The following SECISBP2L variants were observed in gnomAD, a reference collection of about 807,000 sequenced individuals.
SECISBP2L encodes the protein SECIS binding protein 2 like, also known as selenocysteine insertion sequence-binding protein 2-like.
A neutral mutation model predicts 114.7 loss-of-function variants in SECISBP2L; 43 were observed. The ratio of observed to expected loss-of-function variants is 0.38; its 90% confidence interval spans 0.29 to 0.48. The LOEUF is 0.48. Ranked by LOEUF, SECISBP2L falls within the 20% of genes least tolerant of loss-of-function variation. SECISBP2L has a pLI of 0.98. For missense variants in SECISBP2L, 1,136 were observed against 1,301.1 expected, an observed-to-expected ratio of 0.87 and a Z score of 1.95; for synonymous variants, 451 against 439.7, an observed-to-expected ratio of 1.03 and a Z score of -0.32.
intron 14 of SECISBP2L, 96 bp downstream of exon 14, chr15:49,009,120 C>T: frequency 7.6e-7 from 1 of 1,320,808 alleles, no homozygotes; most frequent in South Asian, 1.4e-5. Flanking sequence ...GGTCTTTTGT[C>T]TGCTTGACTC....
intron 3 of SECISBP2L, among the ~76,000 whole-genome samples, chr15:49,035,113 G>T (rs983729346): frequency 2.6e-5 from 4 of 152,082 alleles, no homozygotes; most frequent in African/African-American, 9.7e-5. Context: ...CTCTCTAAAG[G>T]AATGTGAAAA....
At chr15:49,028,758 T>G in intron 4 of SECISBP2L, 76 bp from the exon 5 acceptor site, 1 of 1,261,014 alleles carries the variant, frequency 7.9e-7, no homozygotes. Context: ...ATCATTAAGA[T>G]TGTAAGAAAA....
At chr15:49,007,627 A>C (rs1392441985) in intron 14 of SECISBP2L, among the ~76,000 whole-genome samples, 1 of 152,234 alleles carries the variant, frequency 6.6e-6, no homozygotes, top group East Asian at 1.9e-4. Context: ...ATTCCTAAGG[A>C]TATAAACCAA....
chr15:48,999,755 C>A, intron 16 of SECISBP2L, 78 bp downstream of exon 16: 3 of 1,475,624 alleles, frequency 2.0e-6, no homozygotes, highest in Non-Finnish European at 1.8e-6. Context: ...AAACATAACA[C>A]TGGCATATGT....
chr15:48,993,100 A>AGAGAGTGCGTGT (rs772299775), intron 17 of SECISBP2L, among the ~76,000 whole-genome samples, 174 bp from the exon 18 acceptor site: 1 of 139,130 alleles, frequency 7.2e-6, no homozygotes, highest in African/African-American at 2.8e-5. Context: ...ACAGAGAGAG[A>AGAGAGTGCGTGT]GTGTGTGTGT....
chr15:48,996,582 A>G lies in SECISBP2L; in HGVS notation c.2408T>C (p.Leu803Pro), dbSNP rs760194281. 1 of 1,610,756 alleles carries G rather than the reference A, an allele frequency of 6.2e-7. No individual in the cohort carries two copies. The highest frequency in any genetic ancestry group is 8.5e-7 in the Non-Finnish European group (1 of 1,178,856). Residue 803 changes from leucine (L) to proline (P), a missense_variant, in exon 17 of 18, where the codon CTG becomes CCG. This residue lies in a region of SECISBP2L where 684 missense variants were observed against 848.7 expected (regional missense o/e 0.81). Coordinates refer to ENST00000559471, the MANE Select transcript of SECISBP2L (RefSeq NM_001193489.2). Reference protein sequence around the residue: ...GIFNYFGAESLFNKLVELTEE... With the variant: ...GIFNYFGAESPFNKLVELTEE... ...AGTGAGTTCTACTAATTTATTAAAC[A>G]GGCTCTGAAAAGAAAGAGTATTTTG... is the stretch of plus-strand genomic sequence containing the variant.
Position 49,019,415 on chromosome 15 carries a change from T to TA in SECISBP2L, c.1170+2dup, listed in dbSNP as rs1902598455. 2 of 1,425,764 alleles carry TA rather than the reference T, an allele frequency of 1.4e-6. No individual in the cohort carries two copies. The highest frequency in any genetic ancestry group is 3.0e-5 in the African/African-American group (2 of 67,198). The allele number at this position is 1,425,764 out of a possible 1,614,324, so 88.3% of individuals were successfully genotyped here. On this transcript the variant is annotated splice_region_variant and intron_variant, in intron 8 of 17. Coordinates refer to ENST00000559471, the MANE Select transcript of SECISBP2L (RefSeq NM_001193489.2). ...GCTTACAAATAGAGTTTGAAAAAAA[T>TA]ACCTCAAAATATAAAGACTCAGAAT...
At chr15:49,036,590 T>C (rs892417777) in intron 2 of SECISBP2L, among the ~76,000 whole-genome samples, 1 of 152,238 alleles carries the variant, frequency 6.6e-6, no homozygotes, top group African/African-American at 2.4e-5. Context: ...TTTAGTTTCA[T>C]GAATCAGTTT....
chr15:49,006,128 G>A (rs895285940), intron 14 of SECISBP2L, among the ~76,000 whole-genome samples: 2 of 152,154 alleles, frequency 1.3e-5, no homozygotes, highest in African/African-American at 2.4e-5. Context: ...CTGTTAGACT[G>A]ATGGCCTTAC....
Position 49,028,646 on chromosome 15 carries a change from T to C in SECISBP2L, c.701A>G (p.Glu234Gly), listed in dbSNP as rs1902812513. The change falls in exon 5 of 18, where the codon GAG (glutamate) becomes GGG (glycine). Residue 234 changes from glutamate (E) to glycine (G), a missense_variant. Physicochemically the swap from Glu to Gly is moderately conservative, Grantham distance 98. Coordinates refer to ENST00000559471, the MANE Select transcript of SECISBP2L (RefSeq NM_001193489.2). Reference sequence around the variant, plus strand: ...CTTCCAGAGCATTGTTGCAGTGGTCTCTGAGAGAGACTTGTTAGCGATATC... The same window carrying C: ...CTTCCAGAGCATTGTTGCAGTGGTCCCTGAGAGAGACTTGTTAGCGATATC... ...PSDIANKSLSETTATMLWKSK... is the reference protein window; with the variant it reads ...PSDIANKSLSGTTATMLWKSK... 6.2e-7 allele frequency: 1 copy of C among 1,614,040 alleles called. No individual in the cohort carries two copies. The highest frequency in any genetic ancestry group is 2.2e-5 in the East Asian group (1 of 44,890).
Position 49,028,302 on chromosome 15 carries a change from A to G in SECISBP2L, c.895-134T>C, listed in dbSNP as rs552014097. The G allele has an allele frequency of 4.1e-6, 4 of 974,598 alleles. No individual in the cohort carries two copies. In the Admixed American group the frequency reaches 1.1e-4, roughly 28 times the overall value. The allele number at this position is 974,598 out of a possible 1,614,324, so 60.4% of individuals were successfully genotyped here. A position where few individuals can be genotyped will look rare whatever the true frequency, so the allele number is the denominator to read the frequency against. Reference sequence around the variant, plus strand: ...TTATCATACTTCTTCATAAATGAATATTTTTATTAATAAAATACAAAATAC... The same window carrying G: ...TTATCATACTTCTTCATAAATGAATGTTTTTATTAATAAAATACAAAATAC... On this transcript the variant is annotated intron_variant, in intron 5 of 17. Transcript: ENST00000559471.
chr15:49,031,061 C>CTTTTTA (rs1566861328), intron 4 of SECISBP2L, among the ~76,000 whole-genome samples: 1 of 77,040 alleles, frequency 1.3e-5, no homozygotes, highest in Admixed American at 2.1e-4. Context: ...TTTTTTTTTT[C>CTTTTTA]CCTTTTGAGA....
intron 7 of SECISBP2L, among the ~76,000 whole-genome samples, chr15:49,021,455 T>C (rs921113605): frequency 3.3e-5 from 5 of 152,148 alleles, no homozygotes; most frequent in Non-Finnish European, 7.4e-5. Flanking sequence ...CAGCTAACAG[T>C]AAATGCCTCT....
intron 1 of SECISBP2L, among the ~76,000 whole-genome samples, chr15:49,039,143 T>C (rs1250287578): frequency 6.6e-6 from 1 of 152,190 alleles, no homozygotes; most frequent in East Asian, 1.9e-4. Context: ...CCTTCCTCCC[T>C]ACCTGATTTG....
At chr15:49,014,903 A>C (rs1015272219) in intron 11 of SECISBP2L, among the ~76,000 whole-genome samples, 10 of 150,450 alleles carry the variant, frequency 6.6e-5, no homozygotes, top group Non-Finnish European at 1.5e-5. Context: ...TATATACTGT[A>C]TATATGTACA....
At chr15:49,012,860 C>T in intron 11 of SECISBP2L, 43 bp from the exon 12 acceptor site, 1 of 1,557,020 alleles carries the variant, frequency 6.4e-7, no homozygotes. Flanking sequence ...TAGGGCCAAT[C>T]CCACATACTT....
chr15:49,012,566 G>A lies in SECISBP2L; in HGVS notation c.1731+82C>T, dbSNP rs116808084. On this transcript the variant is annotated intron_variant, in intron 12 of 17. Transcript: ENST00000559471. ...CTTCTCACAACAATCTGTTGGCTAA[G>A]ACACCACAACCTACTTTTACAAAAC... The A allele has an allele frequency of 5.0e-4, 709 of 1,420,138 alleles. 9 individuals are homozygous for A. The African/African-American group carries it at 9.0e-3, about 18-fold the overall frequency. 88.0% of individuals were successfully genotyped at this position (1,420,138 alleles called of 1,614,324 possible).
At chr15:48,999,759 C>A in intron 16 of SECISBP2L, 74 bp downstream of exon 16, 1 of 1,521,326 alleles carries the variant, frequency 6.6e-7, no homozygotes, top group South Asian at 1.2e-5. Context: ...ATAACACTGG[C>A]ATATGTCAAT....
chr15:49,016,486 A>T (rs1902539233), intron 11 of SECISBP2L, 74 bp downstream of exon 11: 1 of 1,435,590 alleles, frequency 7.0e-7, no homozygotes. Context: ...ATAAAATTTT[A>T]AAAATTTCGA....
Sources: allele counts gnomAD v4.1 joint callset (sites outside exome capture counted in the v4.1 genomes callset), GRCh38; gene constraint gnomAD v4.1.1; regional missense constraint gnomAD v4.1.1; transcripts MANE v1.5; gene names NCBI Gene and HGNC (gene_info 2026-07-23, HGNC 2026-07-21).